Variants in TRHDE observed in about 807,000 individuals in gnomAD.
TRHDE encodes thyrotropin releasing hormone degrading enzyme, also known as thyrotropin-releasing hormone-degrading ectoenzyme.
In TRHDE, 72 loss-of-function variants were observed where a neutral mutation model predicts 125.7. The observed-to-expected ratio is 0.57, with a 90% CI of 0.47 to 0.70. TRHDE has a LOEUF of 0.70. Ranked by LOEUF, TRHDE falls within the 30% of genes least tolerant of loss-of-function variation. The pLI is 0.00. For missense variants in TRHDE, 1,110 were observed against 1,327.1 expected (o/e 0.84, Z 2.54); for synonymous variants, 509 against 509.1 (o/e 1.00, Z 0.00).
chr12:72,458,564 C>T (rs766592374), intron 3 of TRHDE, among the ~76,000 whole-genome samples: 1 of 152,018 alleles, frequency 6.6e-6, no homozygotes. Context: ...ATCTTTTCCC[C>T]GACCCCAGCC....
At chr12:72,426,718 T>A (rs10879425) in intron 3 of TRHDE, among the ~76,000 whole-genome samples, 34,813 of 137,650 alleles carry the variant, frequency 0.25, 5,511 homozygotes, top group African/African-American at 0.46. Flanking sequence ...AAAATAGATT[T>A]AAAAAAAAAA....
intron 2 of TRHDE, among the ~76,000 whole-genome samples, chr12:72,139,168 A>G (rs1041933680): frequency 7.2e-5 from 11 of 152,212 alleles, no homozygotes; most frequent in African/African-American, 2.4e-4. Context: ...ATTTAAAATT[A>G]CTATAACTAG....
At chr12:72,109,622 C>T (rs1402144025) in intron 2 of TRHDE, among the ~76,000 whole-genome samples, 2 of 78,828 alleles carry the variant, frequency 2.5e-5, no homozygotes, top group Admixed American at 1.3e-4. Context: ...CTTTACACAA[C>T]AATGTTTTAA....
chr12:72,402,730 A>G (rs1399406957), intron 3 of TRHDE, among the ~76,000 whole-genome samples: 1 of 152,080 alleles, frequency 6.6e-6, no homozygotes, highest in Non-Finnish European at 1.5e-5. Context: ...ATCCCATTCT[A>G]GTTTTAATGA....
At chr12:72,542,254 G>C (rs912388835) in intron 6 of TRHDE, 37 bp from the exon 7 acceptor site, 14 of 1,489,204 alleles carry the variant, frequency 9.4e-6, no homozygotes, top group Non-Finnish European at 1.3e-5. Flanking sequence ...ATGATACTTT[G>C]TTGAAATTCT....
intron 15 of TRHDE, among the ~76,000 whole-genome samples, chr12:72,648,615 A>G (rs964198423): frequency 1.3e-5 from 2 of 152,148 alleles, no homozygotes; most frequent in East Asian, 3.9e-4. Context: ...AACTATCTGA[A>G]AAGTAACTCA....
At chr12:72,183,894 C>A (rs1877148618) in intron 2 of TRHDE, among the ~76,000 whole-genome samples, 1 of 151,742 alleles carries the variant, frequency 6.6e-6, no homozygotes, top group African/African-American at 2.4e-5. Context: ...ATATATATTT[C>A]TTTGTAAAGT....
At chr12:72,422,052 T>C (rs986335320) in intron 3 of TRHDE, among the ~76,000 whole-genome samples, 1 of 152,180 alleles carries the variant, frequency 6.6e-6, no homozygotes, top group African/African-American at 2.4e-5. Context: ...ATAGCTACAA[T>C]GATTTATTAT....
intron 2 of TRHDE, among the ~76,000 whole-genome samples, chr12:72,114,675 G>T (rs971920880): frequency 6.6e-6 from 1 of 152,062 alleles, no homozygotes; most frequent in African/African-American, 2.4e-5. Context: ...GGGTGTTTAA[G>T]GGTCAACTGT....
At chr12:72,660,044 G>A (rs956757076) in intron 18 of TRHDE, among the ~76,000 whole-genome samples, 3 of 152,170 alleles carry the variant, frequency 2.0e-5, no homozygotes, top group South Asian at 2.1e-4. Context: ...AGGGGGCAGG[G>A]TAAGGAGGAT....
At chr12:72,312,796 C>T (rs181079816) in intron 2 of TRHDE, among the ~76,000 whole-genome samples, 1 of 152,220 alleles carries the variant, frequency 6.6e-6, no homozygotes, top group East Asian at 1.9e-4. Context: ...AGTATTTGGT[C>T]CAGGAATTCT....
intron 7 of TRHDE, among the ~76,000 whole-genome samples, chr12:72,543,333 A>T (rs77426490): frequency 3.3e-5 from 5 of 151,386 alleles, no homozygotes; most frequent in African/African-American, 4.8e-5. Flanking sequence ...ATAAAAATAA[A>T]TTTTTTGAAG....
At chr12:72,304,235 T>G (rs968250066) in intron 2 of TRHDE, among the ~76,000 whole-genome samples, 1 of 152,194 alleles carries the variant, frequency 6.6e-6, no homozygotes, top group African/African-American at 2.4e-5. Context: ...GTAATATGAA[T>G]GTCAATAGTC....
chr12:72,485,197 C>T (rs1234781773), intron 5 of TRHDE, among the ~76,000 whole-genome samples: 1 of 152,142 alleles, frequency 6.6e-6, no homozygotes, highest in African/African-American at 2.4e-5. Flanking sequence ...AGGAGTGTGG[C>T]TATTCCCCAT....
chr12:72,662,979 C>A, intron 18 of TRHDE, 73 bp from the exon 19 acceptor site: 1 of 1,440,428 alleles, frequency 6.9e-7, no homozygotes. Flanking sequence ...CAAATAGATT[C>A]TTGTTCATGT....
At chr12:72,338,416 A>G (rs968671214) in intron 2 of TRHDE, among the ~76,000 whole-genome samples, 1 of 152,220 alleles carries the variant, frequency 6.6e-6, no homozygotes, top group Non-Finnish European at 1.5e-5. Context: ...AAATAGCTAA[A>G]TTGACCTTCA....
chr12:72,393,990 CTG>C (rs1353610773), intron 3 of TRHDE, among the ~76,000 whole-genome samples: 1 of 152,132 alleles, frequency 6.6e-6, no homozygotes, highest in Non-Finnish European at 1.5e-5. Context: ...GAGCTAGTAA[CTG>C]TAAACGTGTA....
intron 6 of TRHDE, among the ~76,000 whole-genome samples, chr12:72,513,831 G>T (rs925882097): frequency 6.6e-6 from 1 of 151,968 alleles, no homozygotes; most frequent in Non-Finnish European, 1.5e-5. Context: ...AAGTTTAATG[G>T]GAGGCCTCCC....
chr12:72,552,700 G>A (rs1271928971), intron 7 of TRHDE, among the ~76,000 whole-genome samples: 1 of 152,178 alleles, frequency 6.6e-6, no homozygotes, highest in East Asian at 1.9e-4. Flanking sequence ...GATTTCAGTG[G>A]AGTAGGTTAA....
Sources: allele counts gnomAD v4.1 joint callset (sites outside exome capture counted in the v4.1 genomes callset), GRCh38; gene constraint gnomAD v4.1.1; transcripts MANE v1.5; gene names NCBI Gene and HGNC (gene_info 2026-07-23, HGNC 2026-07-21).